The following PTPRN2 variants were observed in gnomAD, a reference collection of about 807,000 sequenced individuals.
PTPRN2 encodes protein tyrosine phosphatase receptor type N2, also known as receptor-type tyrosine-protein phosphatase N2.
Under a neutral mutation model 118.8 loss-of-function variants are expected in PTPRN2, and 74 were observed. That is an observed-to-expected ratio of 0.62 (90% CI 0.52 to 0.76). The LOEUF (loss-of-function observed/expected upper bound fraction) is 0.76. PTPRN2 is among the 30% of genes least tolerant of loss of function. PTPRN2 has a pLI of 0.00. For missense variants in PTPRN2, 1,481 were observed against 1,394.4 expected, an observed-to-expected ratio of 1.06 and a Z score of -0.99; for synonymous variants, 641 against 608.0, an observed-to-expected ratio of 1.05 and a Z score of -0.80.
chr7:157,955,032 G>T (rs1208340427), intron 11 of PTPRN2, among the ~76,000 whole-genome samples: 1 of 152,160 alleles, frequency 6.6e-6, no homozygotes, highest in African/African-American at 2.4e-5. Flanking sequence ...AAGCGGGTGG[G>T]GTGGAGGGTG....
intron 2 of PTPRN2, among the ~76,000 whole-genome samples, chr7:158,347,882 G>C (rs960092119): frequency 1.3e-5 from 2 of 152,154 alleles, no homozygotes; most frequent in South Asian, 4.1e-4. Flanking sequence ...TCACCTTCTT[G>C]AGTGAACCAT....
At chr7:157,679,487 C>T (rs1796818525) in intron 13 of PTPRN2, among the ~76,000 whole-genome samples, 1 of 152,192 alleles carries the variant, frequency 6.6e-6, no homozygotes, top group Admixed American at 6.5e-5. Context: ...ATATCACACT[C>T]ATGTAAATGA....
chr7:158,535,697 T>C (rs1323041560), intron 1 of PTPRN2, among the ~76,000 whole-genome samples: 1 of 151,790 alleles, frequency 6.6e-6, no homozygotes, highest in African/African-American at 2.4e-5. Context: ...GTCAACTGTG[T>C]ACACAACACA....
intron 12 of PTPRN2, among the ~76,000 whole-genome samples, chr7:157,796,505 G>A (rs184655193): frequency 1.6e-3 from 242 of 152,352 alleles, no homozygotes; most frequent in South Asian, 3.7e-3. Flanking sequence ...TGGGAAAGGC[G>A]CAGAGAAGAG....
At chr7:158,295,817 G>A (rs368342177) in intron 3 of PTPRN2, among the ~76,000 whole-genome samples, 15 of 151,662 alleles carry the variant, frequency 9.9e-5, no homozygotes, top group East Asian at 7.8e-4. Context: ...AGCCCACGGC[G>A]CCCGCTGACC....
intron 12 of PTPRN2, among the ~76,000 whole-genome samples, chr7:157,855,296 G>A (rs945016654): frequency 5.3e-5 from 8 of 152,236 alleles, no homozygotes; most frequent in Non-Finnish European, 8.8e-5. Flanking sequence ...CCCAACCCAC[G>A]CGCCGGCTTC....
At chr7:158,416,278 C>T (rs757670573) in intron 2 of PTPRN2, among the ~76,000 whole-genome samples, 55 of 152,228 alleles carry the variant, frequency 3.6e-4, no homozygotes, top group Non-Finnish European at 6.6e-4. Flanking sequence ...TGATTGCATC[C>T]GACTGTCCTC....
chr7:157,865,683 G>A (rs1810611328), intron 12 of PTPRN2: 1 of 152,236 alleles, frequency 6.6e-6, no homozygotes, highest in Admixed American at 6.5e-5. Context: ...AGCCTTATCT[G>A]TGTTTCCAGT....
At chr7:157,887,667 C>G (rs1347173280) in intron 12 of PTPRN2, among the ~76,000 whole-genome samples, 1 of 38,304 alleles carries the variant, frequency 2.6e-5, no homozygotes, top group East Asian at 6.3e-4. Context: ...CCCCCAGTAC[C>G]CACTTCCCCC....
chr7:157,883,204 T>G (rs1796249923), intron 12 of PTPRN2, among the ~76,000 whole-genome samples: 2 of 148,446 alleles, frequency 1.3e-5, no homozygotes, highest in Admixed American at 6.7e-5. Flanking sequence ...CAAAAATGAC[T>G]GTTGGAGATC....
rs566307156 is a variant in PTPRN2 at position 158,157,234 on chromosome 7, G to A, written c.910+9697C>T. 4.1e-4 allele frequency among the ~76,000 whole-genome samples: 63 copies of A among 152,370 alleles called. No homozygotes were observed. In the South Asian group the frequency reaches 8.7e-3, roughly 21 times the overall value. On this transcript the variant is annotated intron_variant, in intron 6 of 22. Transcript: ENST00000389418. The stretch of plus-strand genomic sequence containing the variant: ...CTTGGAGCCATGGCAGAAGGTGGTG[G>A]GAGGAAAACCTCAGGGGTTGGGCAG...
At chr7:157,841,270 G>A (rs910583560) in intron 12 of PTPRN2, among the ~76,000 whole-genome samples, 4 of 152,312 alleles carry the variant, frequency 2.6e-5, no homozygotes, top group East Asian at 1.9e-4. Flanking sequence ...CTCCCCACAC[G>A]CTCCCTGTCA....
At chr7:157,996,070 C>T (rs1319695209) in intron 11 of PTPRN2, among the ~76,000 whole-genome samples, 2 of 152,210 alleles carry the variant, frequency 1.3e-5, no homozygotes, top group Non-Finnish European at 2.9e-5. Flanking sequence ...GAAGTCCTGT[C>T]TTTTGCACAC....
chr7:157,810,757 G>A lies in PTPRN2; in HGVS notation c.1788+87916C>T, dbSNP rs558478245. ...GAGGCTGGCTCTCCACGGGGACGGC[G>A]GGACTGCTGGGCACAGGCTCTCCAC... On this transcript the variant is annotated intron_variant, in intron 12 of 22. Coordinates refer to ENST00000389418, the MANE Select transcript of PTPRN2 (RefSeq NM_002847.5). Among the ~76,000 whole-genome samples the A allele has an allele frequency of 1.7e-3, 246 of 146,882 alleles. 1 individual carries two copies. The highest frequency in any genetic ancestry group is 6.0e-3 in the African/African-American group (236 of 39,332).
At chr7:158,157,667 G>A (rs772054913) in intron 6 of PTPRN2, among the ~76,000 whole-genome samples, 5 of 152,218 alleles carry the variant, frequency 3.3e-5, no homozygotes, top group Admixed American at 1.3e-4. Context: ...GCGCATCCAC[G>A]TCAGGGTTGC....
Position 158,351,187 on chromosome 7 carries a change from G to A in PTPRN2, c.164-34255C>T, listed in dbSNP as rs114492172. On this transcript the variant is annotated intron_variant, in intron 2 of 22. Transcript: ENST00000389418. ...CCTCGAGGGCACGGGTGAGGTGCAG[G>A]AGGAACTCGTGCTACCACCTCCACC... Among the ~76,000 whole-genome samples, 502 of 152,322 alleles carry A rather than the reference G, an allele frequency of 3.3e-3. 5 individuals are homozygous for A. The highest frequency in any genetic ancestry group is 0.01 in the African/African-American group (427 of 41,560).
intron 11 of PTPRN2, among the ~76,000 whole-genome samples, chr7:157,908,872 T>G (rs1330999068): frequency 6.6e-6 from 1 of 152,184 alleles, no homozygotes; most frequent in Admixed American, 6.5e-5. Context: ...GAAGCATAGT[T>G]TTAGTTTACA....
intron 3 of PTPRN2, among the ~76,000 whole-genome samples, chr7:158,257,147 G>A (rs574247447): frequency 7.2e-5 from 11 of 152,256 alleles, no homozygotes; most frequent in South Asian, 2.1e-4. Context: ...AAGAGGTTTC[G>A]AGTATCCTCT....
At chr7:158,478,936 A>T (rs1037895764) in intron 2 of PTPRN2, among the ~76,000 whole-genome samples, 1 of 152,184 alleles carries the variant, frequency 6.6e-6, no homozygotes, top group Non-Finnish European at 1.5e-5. Flanking sequence ...ACAGGACATG[A>T]AAACACGTGT....
Sources: gnomAD v4.1 joint callset for allele counts (sites outside exome capture counted in the v4.1 genomes callset) on GRCh38, gnomAD v4.1.1 for gene constraint, MANE v1.5 for transcripts, NCBI Gene and HGNC (gene_info 2026-07-23, HGNC 2026-07-21) for gene names.